PALS2: variants seen among roughly 807,000 people sequenced by gnomAD.
The protein encoded by PALS2 is protein PALS2.
A neutral mutation model predicts 61.6 loss-of-function variants in PALS2; 27 were observed. That is an observed-to-expected ratio of 0.44 (90% CI 0.32 to 0.60). The LOEUF is 0.60. PALS2 is among the 20% of genes least tolerant of loss of function. The pLI is 0.05. For missense variants in PALS2, 554 were observed against 639.4 expected (o/e 0.87, Z 1.44); for synonymous variants, 236 against 218.6 (o/e 1.08, Z -0.70).
chr7:24,637,400 CT>C (rs992111833), intron 2 of PALS2, among the ~76,000 whole-genome samples: 4 of 148,060 alleles, frequency 2.7e-5, no homozygotes, highest in Non-Finnish European at 6.0e-5. Context: ...CTCATTTCTA[CT>C]TTCTGCTCAA....
chr7:24,633,027 A>G (rs1023268107), intron 2 of PALS2, among the ~76,000 whole-genome samples: 3 of 152,202 alleles, frequency 2.0e-5, no homozygotes, highest in African/African-American at 7.2e-5. Flanking sequence ...TTCCTGTCCC[A>G]TATAATATTG....
chr7:24,679,720 A>G (rs999567715), intron 10 of PALS2, among the ~76,000 whole-genome samples: 3 of 107,864 alleles, frequency 2.8e-5, no homozygotes, highest in African/African-American at 2.1e-4. Context: ...GCACACCTCT[A>G]CACTATTCAT....
chr7:24,673,822 T>G (rs1405303798), intron 9 of PALS2, among the ~76,000 whole-genome samples: 1 of 152,098 alleles, frequency 6.6e-6, no homozygotes, highest in Non-Finnish European at 1.5e-5. Flanking sequence ...TACTTGTACT[T>G]TGGGTTTATT....
chr7:24,616,543 CTG>C lies in PALS2; in HGVS notation c.-2-7117_-2-7116del, dbSNP rs1007459857. On this transcript the variant is annotated intron_variant, in intron 1 of 11. Coordinates refer to ENST00000222644, the MANE Select transcript of PALS2 (RefSeq NM_001303037.2). ...CTTTTTTCATCTCTTTGCTTTCCCT[CTG>C]TGTGTCTTCACAGTTGAAATGAGTT... Among the ~76,000 whole-genome samples, 17 of 152,256 alleles carry C rather than the reference CTG, an allele frequency of 1.1e-4. No homozygotes were observed. In the East Asian group the frequency reaches 2.3e-3, roughly 21 times the overall value.
chr7:24,599,354 T>A (rs1297719695), intron 1 of PALS2, among the ~76,000 whole-genome samples: 1 of 152,186 alleles, frequency 6.6e-6, no homozygotes, highest in African/African-American at 2.4e-5. Context: ...ATTTATTTTT[T>A]AAATTTTTTC....
chr7:24,592,326 G>T (rs1025057428), intron 1 of PALS2, among the ~76,000 whole-genome samples: 2 of 152,062 alleles, frequency 1.3e-5, no homozygotes, highest in Admixed American at 1.3e-4. Context: ...ATTTACAGCA[G>T]TATGAAGCAA....
At chr7:24,620,784 C>A (rs139067624) in intron 1 of PALS2, among the ~76,000 whole-genome samples, 1 of 152,082 alleles carries the variant, frequency 6.6e-6, no homozygotes, top group Non-Finnish European at 1.5e-5. Flanking sequence ...ATCTTTGAGA[C>A]ATATACATTG....
intron 2 of PALS2, among the ~76,000 whole-genome samples, chr7:24,637,054 ATGT>A (rs999289952): frequency 3.5e-4 from 54 of 152,244 alleles, no homozygotes; most frequent in African/African-American, 1.1e-3. Flanking sequence ...AGCTTTTAAA[ATGT>A]TGTTTTTTCT....
intron 11 of PALS2, among the ~76,000 whole-genome samples, chr7:24,686,652 C>T (rs983815453): frequency 6.6e-6 from 1 of 152,164 alleles, no homozygotes; most frequent in Non-Finnish European, 1.5e-5. Flanking sequence ...TTTATTTCCA[C>T]TTTATCTCCT....
intron 5 of PALS2, among the ~76,000 whole-genome samples, chr7:24,658,062 T>TA (rs1252760823): frequency 9.9e-5 from 15 of 152,208 alleles, no homozygotes; most frequent in Middle Eastern, 3.2e-3. Context: ...TACATGTATA[T>TA]TAGGCCCATT....
intron 8 of PALS2, 30 bp downstream of exon 8, chr7:24,666,119 AAGTGAAG>A: frequency 6.4e-7 from 1 of 1,555,660 alleles, no homozygotes; most frequent in South Asian, 1.1e-5. Flanking sequence ...TGAGAAGTCC[AAGTGAAG>A]TAGCTATATG....
At chr7:24,580,310 G>A (rs1487467962) in intron 1 of PALS2, among the ~76,000 whole-genome samples, 7 of 152,110 alleles carry the variant, frequency 4.6e-5, no homozygotes, top group East Asian at 1.9e-4. Flanking sequence ...AGTAGGTCTG[G>A]TATGGGGCAG....
intron 1 of PALS2, among the ~76,000 whole-genome samples, chr7:24,576,952 A>G (rs954284285): frequency 2.0e-5 from 3 of 152,216 alleles, no homozygotes; most frequent in Non-Finnish European, 4.4e-5. Flanking sequence ...ACCAGGTGTA[A>G]TAAAGTCAAA....
Position 24,623,729 on chromosome 7 carries a change from A to G in PALS2, c.62A>G (p.Asp21Gly). The change falls in exon 2 of 12, where the codon GAC (aspartate) becomes GGC (glycine). Residue 21 changes from aspartate to glycine, a missense_variant. Physicochemically the swap from Asp to Gly is moderately conservative, Grantham distance 94 (BLOSUM62 -1). Coordinates refer to ENST00000222644, the MANE Select transcript of PALS2 (RefSeq NM_001303037.2). ...LPSSTGAEEI[D>G]LIFLKGIMEN... ...TCGTCTACTGGAGCAGAAGAAATAGACCTAATTTTCCTCAAGGGAATTATG... is the reference window on the plus strand; with the variant it reads ...TCGTCTACTGGAGCAGAAGAAATAGGCCTAATTTTCCTCAAGGGAATTATG... 6.2e-7 allele frequency: 1 copy of G among 1,609,602 alleles called. No homozygotes were observed. The highest frequency in any genetic ancestry group is 8.5e-7 in the Non-Finnish European group (1 of 1,177,936).
intron 1 of PALS2, among the ~76,000 whole-genome samples, chr7:24,602,433 C>G (rs932667846): frequency 7.2e-5 from 11 of 152,146 alleles, no homozygotes; most frequent in African/African-American, 2.7e-4. Context: ...TTGAATGTCA[C>G]TGTAGCTAGT....
rs537716836 is a variant in PALS2, at chr7:24,632,510, C to T, written c.117+8726C>T. The stretch of plus-strand genomic sequence containing the variant: ...CGATTCCCTGGTTCAAGCAATTCTC[C>T]TGCCTCAGCCTCTCAAGTAGCTGGG... On this transcript the variant is annotated intron_variant, in intron 2 of 11. Coordinates refer to ENST00000222644, the MANE Select transcript of PALS2 (RefSeq NM_001303037.2). 1.2e-4 allele frequency among the ~76,000 whole-genome samples: 18 copies of T among 152,246 alleles called. No individual in the cohort carries two copies. The East Asian group carries it at 2.7e-3, about 23-fold the overall frequency.
At chr7:24,577,079 A>G (rs923691420) in intron 1 of PALS2, among the ~76,000 whole-genome samples, 1 of 152,174 alleles carries the variant, frequency 6.6e-6, no homozygotes, top group Non-Finnish European at 1.5e-5. Flanking sequence ...GAAAGAACTT[A>G]AGTTTTATGA....
At chr7:24,588,712 T>C (rs968009917) in intron 1 of PALS2, among the ~76,000 whole-genome samples, 1 of 152,208 alleles carries the variant, frequency 6.6e-6, no homozygotes, top group South Asian at 2.1e-4. Context: ...CAAAAAGACT[T>C]TATAATGGTT....
At position 24,690,555 on chromosome 7, in the gene PALS2, A is replaced by G. The variant is rs1013096909; in HGVS notation, c.*2941A>G. ...GACTGTACACAACCTAAGACTATAT[A>G]TATATTTTTTCATTTTCAAATGTAC... On this transcript the variant is annotated 3_prime_UTR_variant, in exon 12 of 12. Coordinates refer to ENST00000222644, the MANE Select transcript of PALS2 (RefSeq NM_001303037.2). 2.0e-5 allele frequency: 3 copies of G among 152,154 alleles called. 1 individual carries two copies. The highest frequency in any genetic ancestry group is 4.4e-5 in the Non-Finnish European group (3 of 68,028). 9.4% of individuals were successfully genotyped at this position (152,154 alleles called of 1,614,324 possible). A position where few individuals can be genotyped will look rare whatever the true frequency, so the allele number is the denominator to read the frequency against.
Sources: allele counts gnomAD v4.1 joint callset (sites outside exome capture counted in the v4.1 genomes callset), GRCh38; gene constraint gnomAD v4.1.1; transcripts MANE v1.5; gene names NCBI Gene and HGNC (gene_info 2026-07-23, HGNC 2026-07-21).